The following ETV6 variants were observed in gnomAD, a reference collection of about 807,000 sequenced individuals.
The protein encoded by ETV6 is transcription factor ETV6.
Under a neutral mutation model 51.1 loss-of-function variants are expected in ETV6, and 16 were observed. The observed-to-expected ratio is 0.31, with a 90% CI of 0.21 to 0.48. The LOEUF is 0.48. Ranked by LOEUF, ETV6 falls within the 20% of genes least tolerant of loss-of-function variation. The pLI is 0.99. For missense variants in ETV6, 458 were observed against 594.8 expected (o/e 0.77, Z 2.39); for synonymous variants, 240 against 224.1 (o/e 1.07, Z -0.64).
At chr12:11,745,432 T>C (rs1865889372) in intron 1 of ETV6, among the ~76,000 whole-genome samples, 1 of 152,256 alleles carries the variant, frequency 6.6e-6, no homozygotes, top group Non-Finnish European at 1.5e-5. Flanking sequence ...TGTCCTCTGC[T>C]ACTACAAGCA....
intron 1 of ETV6, among the ~76,000 whole-genome samples, chr12:11,747,739 T>C (rs1865934681): frequency 6.6e-6 from 1 of 152,236 alleles, no homozygotes; most frequent in Admixed American, 6.5e-5. Context: ...ATATCTGTGC[T>C]TTCCTGGTGG....
intron 2 of ETV6, among the ~76,000 whole-genome samples, chr12:11,779,124 G>A (rs10772506): frequency 0.22 from 33,419 of 152,150 alleles, 4,368 homozygotes; most frequent in South Asian, 0.47. Context: ...AGTTGAGCCT[G>A]TTGACTTCTC....
intron 1 of ETV6, among the ~76,000 whole-genome samples, chr12:11,685,480 T>C (rs1186436549): frequency 6.6e-6 from 1 of 152,208 alleles, no homozygotes; most frequent in East Asian, 1.9e-4. Flanking sequence ...GGACACTTCC[T>C]AATTTTTTCT....
chr12:11,793,045 A>G (rs1039167164), intron 2 of ETV6, among the ~76,000 whole-genome samples: 4 of 151,974 alleles, frequency 2.6e-5, no homozygotes, highest in African/African-American at 9.7e-5. Flanking sequence ...TAAAGCTTTA[A>G]TGTCTGTTTT....
chr12:11,852,391 A>G (rs1423309636), intron 3 of ETV6, among the ~76,000 whole-genome samples: 2 of 152,202 alleles, frequency 1.3e-5, no homozygotes, highest in African/African-American at 4.8e-5. Context: ...GGAGGGAAGC[A>G]TCCCAGAACA....
chr12:11,686,190 C>T (rs957535226), intron 1 of ETV6, among the ~76,000 whole-genome samples: 2 of 152,230 alleles, frequency 1.3e-5, no homozygotes, highest in Admixed American at 6.5e-5. Context: ...AATTACTCTT[C>T]CTCATTTGTC....
In ETV6 at chr12:11,850,005, A is replaced by G. The variant is rs944682931; in HGVS notation, c.329-3422A>G. ...AGGAAACATGTCTGTGCATGGACTG[A>G]CTCAGCTAAGGCCACACTCCTGGGT... is the stretch of plus-strand genomic sequence containing the variant. On this transcript the variant is annotated intron_variant, in intron 3 of 7. Transcript: ENST00000396373. Among the ~76,000 whole-genome samples the G allele has an allele frequency of 7.2e-5, 11 of 152,160 alleles. No individual in the cohort carries two copies. In the East Asian group the frequency reaches 2.1e-3, roughly 29 times the overall value.
chr12:11,704,590 G>A (rs1020140852), intron 1 of ETV6, among the ~76,000 whole-genome samples: 4 of 152,012 alleles, frequency 2.6e-5, no homozygotes, highest in Non-Finnish European at 4.4e-5. Context: ...CAAGTGTTCC[G>A]CCCACCTTGG....
At chr12:11,784,998 C>T (rs1233833486) in intron 2 of ETV6, among the ~76,000 whole-genome samples, 2 of 151,370 alleles carry the variant, frequency 1.3e-5, no homozygotes, top group African/African-American at 4.9e-5. Context: ...TGAACCACTG[C>T]GCCTGGCCGG....
At chr12:11,835,753 C>CT (rs1162832708) in intron 2 of ETV6, among the ~76,000 whole-genome samples, 3 of 152,194 alleles carry the variant, frequency 2.0e-5, no homozygotes, top group Non-Finnish European at 4.4e-5. Context: ...TTCACTCAGT[C>CT]TTTTTTGAAT....
chr12:11,869,547 C>T lies in ETV6; in HGVS notation c.587C>T (p.Pro196Leu), dbSNP rs138600719. ...ACAAATCACCGGCCTTCTCCTGACC[C>T]CGAGCAGCGGCCCCTCCGGTCCCCC... The part of the protein sequence containing the change: ...ITTNHRPSPD[P>L]EQRPLRSPLD... The change falls in exon 5 of 8, where the codon CCC becomes CTC. Residue 196 changes from proline to leucine, a missense_variant. Transcript: ENST00000396373. This position sits in a 1 kb window ranked among gnomAD's most constrained non-coding sequence, Gnocchi z 5.0. 7 of 1,614,070 alleles carry T rather than the reference C, an allele frequency of 4.3e-6. No individual in the cohort carries two copies. In the African/African-American group the frequency reaches 9.3e-5, roughly 22 times the overall value.
At chr12:11,880,095 C>G (rs2136577517) in intron 5 of ETV6, among the ~76,000 whole-genome samples, 1 of 148,378 alleles carries the variant, frequency 6.7e-6, no homozygotes, top group East Asian at 2.0e-4. Context: ...TTTTTATCAT[C>G]TAGGCATAAT....
chr12:11,850,741 G>T (rs1325115449), intron 3 of ETV6, among the ~76,000 whole-genome samples: 1 of 152,188 alleles, frequency 6.6e-6, no homozygotes, highest in South Asian at 2.1e-4. Context: ...ACATTAAAGG[G>T]CATGCCCGAG....
At chr12:11,858,324 A>C (rs1157915414) in intron 4 of ETV6, among the ~76,000 whole-genome samples, 1 of 152,072 alleles carries the variant, frequency 6.6e-6, no homozygotes, top group African/African-American at 2.4e-5. Context: ...TTATTTTGTC[A>C]CGTGCAGTTG....
chr12:11,829,556 C>T (rs948570758), intron 2 of ETV6, among the ~76,000 whole-genome samples: 1 of 152,178 alleles, frequency 6.6e-6, no homozygotes, highest in Non-Finnish European at 1.5e-5. Flanking sequence ...ATGAGAAGAA[C>T]TCTTCTAAGT....
At chr12:11,810,416 T>C (rs1178553025) in intron 2 of ETV6, among the ~76,000 whole-genome samples, 1 of 152,208 alleles carries the variant, frequency 6.6e-6, no homozygotes, top group Non-Finnish European at 1.5e-5. Flanking sequence ...TTGAAAGAGC[T>C]GGGAGTGGCT....
At chr12:11,664,194 A>G (rs1864154343) in intron 1 of ETV6, among the ~76,000 whole-genome samples, 1 of 152,210 alleles carries the variant, frequency 6.6e-6, no homozygotes. Flanking sequence ...TTTTAATGGA[A>G]GAGAACTCTT....
intron 2 of ETV6, among the ~76,000 whole-genome samples, chr12:11,753,424 C>T (rs139267005): frequency 1.1e-4 from 16 of 152,308 alleles, no homozygotes; most frequent in African/African-American, 3.8e-4. Context: ...CCACCCTCTT[C>T]ACAGTGTCCA....
At chr12:11,756,476 G>A (rs1945009439) in intron 2 of ETV6, among the ~76,000 whole-genome samples, 2 of 151,618 alleles carry the variant, frequency 1.3e-5, no homozygotes, top group African/African-American at 4.8e-5. Flanking sequence ...GTAGACAGGT[G>A]GGAAAAAAAA....
Sources: gnomAD v4.1 joint callset for allele counts (sites outside exome capture counted in the v4.1 genomes callset) on GRCh38, gnomAD v4.1.1 for gene constraint, Gnocchi (gnomAD v3.1) non-coding constraint, MANE v1.5 for transcripts, NCBI Gene and HGNC (gene_info 2026-07-23, HGNC 2026-07-21) for gene names.